Variants in AIMP2 observed in about 807,000 individuals in gnomAD.
AIMP2 encodes the protein aminoacyl tRNA synthetase complex interacting multifunctional protein 2, also known as aminoacyl tRNA synthase complex-interacting multifunctional protein 2.
In AIMP2, 20 loss-of-function variants were observed where a neutral mutation model predicts 23.4. That is an observed-to-expected ratio of 0.85 (90% confidence interval 0.60 to 1.24). The LOEUF (loss-of-function observed/expected upper bound fraction) is 1.24. Among genes scored for constraint, AIMP2 ranks in the 50% most tolerant of loss-of-function variants. AIMP2 has a pLI of 0.00. For missense variants in AIMP2, 515 were observed against 414.5 expected, an observed-to-expected ratio of 1.24 and a Z score of -2.10; for synonymous variants, 210 against 170.4, an observed-to-expected ratio of 1.23 and a Z score of -1.81.
chr7:6,019,207 A>G (rs1787228216), intron 3 of AIMP2, among the ~76,000 whole-genome samples: 1 of 151,968 alleles, frequency 6.6e-6, no homozygotes, highest in South Asian at 2.1e-4. Context: ...CTCTCCAGGA[A>G]ATTGCATGTT....
intron 1 of AIMP2, among the ~76,000 whole-genome samples, chr7:6,011,479 G>C (rs62456184): frequency 2.6e-4 from 40 of 151,992 alleles, no homozygotes; most frequent in African/African-American, 9.4e-4. Context: ...CATTGCAAAC[G>C]TACATCCTAG....
At chr7:6,015,968 G>A (rs1481153837) in intron 2 of AIMP2, among the ~76,000 whole-genome samples, 2 of 152,172 alleles carry the variant, frequency 1.3e-5, no homozygotes, top group African/African-American at 4.8e-5. Context: ...GGGTCCAGCA[G>A]CTTCTGAGCC....
chr7:6,023,242 G>A lies in AIMP2; in HGVS notation c.575-61G>A, dbSNP rs1020185717. 53 of 1,519,000 alleles carry A rather than the reference G, an allele frequency of 3.5e-5. No homozygotes were observed. In the South Asian group the frequency reaches 4.6e-4, roughly 13 times the overall value. The allele number at this position is 1,519,000 out of a possible 1,614,324, so 94.1% of individuals were successfully genotyped here. A position where few individuals can be genotyped will look rare whatever the true frequency, so the allele number is the denominator to read the frequency against. ...TTTGGTGACTGTCCCCTTCCCCACT[G>A]TGCGAGTACTTCCCTCAGGGCTGCT... is the stretch of plus-strand genomic sequence containing the variant. On this transcript the variant is annotated intron_variant, in intron 3 of 3. Transcript: ENST00000223029.
chr7:6,018,968 TACACACACAC>T (rs59354100), intron 3 of AIMP2, among the ~76,000 whole-genome samples: 17 of 150,662 alleles, frequency 1.1e-4, no homozygotes, highest in Admixed American at 3.3e-4. Flanking sequence ...TATCAAACCT[TACACACACAC>T]ACACACACAC....
chr7:6,020,388 TCCAG>T (rs931602373), intron 3 of AIMP2, among the ~76,000 whole-genome samples: 33 of 152,046 alleles, frequency 2.2e-4, no homozygotes, highest in African/African-American at 8.0e-4. Context: ...ACCACTATAC[TCCAG>T]CCTGGGCTAC....
At chr7:6,010,674 C>G (rs1207719354) in intron 1 of AIMP2, among the ~76,000 whole-genome samples, 2 of 152,064 alleles carry the variant, frequency 1.3e-5, no homozygotes, top group African/African-American at 4.8e-5. Context: ...ATCTCGAACT[C>G]CTGACCTCAA....
chr7:6,009,379 G>A lies in AIMP2; in HGVS notation c.16G>A (p.Val6Ile). 6.2e-7 allele frequency: 1 copy of A among 1,611,828 alleles called. No individual in the cohort carries two copies. The highest frequency in any genetic ancestry group is 8.5e-7 in the Non-Finnish European group (1 of 1,180,016). Reference protein sequence around the residue: MPMYQVKPYHGGGAPL... With the variant: MPMYQIKPYHGGGAPL... ...TGGTTCTGCCATGCCGATGTACCAGGTAAAGCCCTATCACGGGGGCGGCGC... is the reference window on the plus strand; with the variant it reads ...TGGTTCTGCCATGCCGATGTACCAGATAAAGCCCTATCACGGGGGCGGCGC... Residue 6 changes from valine to isoleucine, a missense_variant, in exon 1 of 4, where the codon GTA (valine) becomes ATA (isoleucine). Transcript: ENST00000223029.
At position 6,009,456 on chromosome 7, in the gene AIMP2, C is replaced by T. The variant is rs200865484; in HGVS notation, c.93C>T (p.His31=). 2.0e-5 allele frequency: 33 copies of T among 1,609,792 alleles called. No homozygotes were observed. Among genetic ancestry groups the T allele is most frequent in the South Asian group, 1.9e-4 (17 of 90,848 alleles). Residue 31 remains histidine, a synonymous_variant, in exon 1 of 4, where the codon CAC becomes CAT. Transcript: ENST00000223029. ...GCATGTACCGGCTCCCCAACGTGCA[C>T]GGCAGGAGCTACGGCCCAGCGCCGG... ...PTCMYRLPNV[H]GRSYGPAPGA...
In AIMP2 at chr7:6,023,437, G is replaced by A. The variant is rs1787598281; in HGVS notation, c.709G>A (p.Val237Ile). 6.2e-7 allele frequency: 1 copy of A among 1,614,224 alleles called. No individual in the cohort carries two copies. The highest frequency in any genetic ancestry group is 8.5e-7 in the Non-Finnish European group (1 of 1,180,034). ...CAACGCAACCCTTATAGATAGCTGG[G>A]TAGATATTGCGATTTTTCAGTTAAA... is the stretch of plus-strand genomic sequence containing the variant. ...AVNATLIDSW[V>I]DIAIFQLKEG... The change falls in exon 4 of 4, where the codon GTA becomes ATA. Residue 237 changes from valine (V) to isoleucine (I), a missense_variant. Coordinates refer to ENST00000223029, the MANE Select transcript of AIMP2 (RefSeq NM_006303.4).
chr7:6,018,554 G>C (rs1787177350), intron 3 of AIMP2, among the ~76,000 whole-genome samples: 1 of 151,834 alleles, frequency 6.6e-6, no homozygotes, highest in Non-Finnish European at 1.5e-5. Flanking sequence ...ATCAAAACAA[G>C]GCCACGCGCA....
intron 3 of AIMP2, 84 bp downstream of exon 3, chr7:6,018,129 T>G (rs1032752081): frequency 1.5e-5 from 16 of 1,069,048 alleles, no homozygotes; most frequent in Admixed American, 1.5e-4. Context: ...CATTTACATG[T>G]GGATTTTTTT....
intron 1 of AIMP2, among the ~76,000 whole-genome samples, chr7:6,011,152 C>T (rs1183660992): frequency 6.6e-6 from 1 of 152,158 alleles, no homozygotes; most frequent in Non-Finnish European, 1.5e-5. Context: ...GCAGTGAATA[C>T]TCTTATACAG....
chr7:6,011,724 C>T (rs867677506), intron 1 of AIMP2, among the ~76,000 whole-genome samples: 13 of 152,094 alleles, frequency 8.5e-5, no homozygotes, highest in Admixed American at 2.6e-4. Flanking sequence ...TAGAGAGTGC[C>T]GTGGAAACAG....
Position 6,023,355 on chromosome 7 carries a change from C to A in AIMP2, c.627C>A (p.Gly209=), listed in dbSNP as rs746283944. Reference sequence around the variant, plus strand: ...TCCAGACGATGTGCCCCATCGAAGGCGAAGGGAACATTGCACGTTTCTTGT... The same window carrying A: ...TCCAGACGATGTGCCCCATCGAAGGAGAAGGGAACATTGCACGTTTCTTGT... ...FSIQTMCPIE[G]EGNIARFLFS... The change falls in exon 4 of 4, where the codon GGC becomes GGA. Residue 209 remains glycine (G), a synonymous_variant. Coordinates refer to ENST00000223029, the MANE Select transcript of AIMP2 (RefSeq NM_006303.4). 1 of 1,612,238 alleles carries A rather than the reference C, an allele frequency of 6.2e-7. No individual in the cohort carries two copies. Among genetic ancestry groups the A allele is most frequent in the Admixed American group, 1.7e-5 (1 of 59,474 alleles).
chr7:6,015,575 T>C (rs1786977480), intron 2 of AIMP2, among the ~76,000 whole-genome samples: 1 of 151,484 alleles, frequency 6.6e-6, no homozygotes, highest in Non-Finnish European at 1.5e-5. Flanking sequence ...ATACAAAAAA[T>C]TCGCCGGGCG....
rs766404549 is a variant in AIMP2 at position 6,015,325 on chromosome 7, G to A, written c.315G>A (p.Ala105=). 15 of 1,614,030 alleles carry A rather than the reference G, an allele frequency of 9.3e-6. No homozygotes were observed. Among genetic ancestry groups the A allele is most frequent in the Admixed American group, 6.7e-5 (4 of 59,978 alleles). Reference sequence around the variant, plus strand: ...AGCCCACGACTTTAACCACCAATGCGCTGGACTTGAATTCAGTGCTTGGGA... The same window carrying A: ...AGCCCACGACTTTAACCACCAATGCACTGGACTTGAATTCAGTGCTTGGGA... ...ADEPTTLTTN[A]LDLNSVLGKD... is the part of the protein sequence containing the mutation. Residue 105 remains alanine (A), a synonymous_variant, in exon 2 of 4, where the codon GCG becomes GCA. Transcript: ENST00000223029.
intron 3 of AIMP2, chr7:6,023,002 C>T: frequency 3.4e-6 from 1 of 293,252 alleles, no homozygotes; most frequent in South Asian, 7.6e-5. Flanking sequence ...CAGCCCTCAG[C>T]CCCCAAAACC....
At chr7:6,010,173 CTTTTTTT>C (rs951839526) in intron 1 of AIMP2, among the ~76,000 whole-genome samples, 2 of 150,426 alleles carry the variant, frequency 1.3e-5, no homozygotes, top group African/African-American at 4.9e-5. Context: ...CATATTTTTT[CTTTTTTT>C]AATATATGGT....
At chr7:6,015,497 G>A (rs1786971593) in intron 2 of AIMP2, 145 bp downstream of exon 2, 1 of 819,790 alleles carries the variant, frequency 1.2e-6, no homozygotes, top group South Asian at 1.7e-5. Context: ...AGCCAAGGCG[G>A]GCAGATCATG....
Sources: allele counts gnomAD v4.1 joint callset (sites outside exome capture counted in the v4.1 genomes callset), GRCh38; gene constraint gnomAD v4.1.1; transcripts MANE v1.5; gene names NCBI Gene and HGNC (gene_info 2026-07-23, HGNC 2026-07-21).